Variants in GRK5 observed in about 807,000 individuals in gnomAD.
GRK5 encodes g protein-coupled receptor kinase GRK5.
A neutral mutation model predicts 78.4 loss-of-function variants in GRK5; 40 were observed. That is an observed-to-expected ratio of 0.51 (90% CI 0.40 to 0.66). The LOEUF is 0.66. GRK5 is among the 30% of genes least tolerant of loss of function. The pLI is 0.00. For synonymous variants in GRK5, 289 were observed against 296.8 expected, an observed-to-expected ratio of 0.97 and a Z score of 0.27; for missense variants, 598 against 759.9, an observed-to-expected ratio of 0.79 and a Z score of 2.50.
chr10:119,399,106 C>T (rs1852104634), intron 4 of GRK5, among the ~76,000 whole-genome samples: 1 of 152,348 alleles, frequency 6.6e-6, no homozygotes, highest in East Asian at 1.9e-4. Flanking sequence ...GGATGGGGCC[C>T]AGACACCCCC....
At chr10:119,254,755 G>GA (rs1449827883) in intron 1 of GRK5, among the ~76,000 whole-genome samples, 11 of 151,926 alleles carry the variant, frequency 7.2e-5, no homozygotes, top group African/African-American at 2.7e-4. Flanking sequence ...TATTTTGTAA[G>GA]AAAAAAATGG....
intron 6 of GRK5, among the ~76,000 whole-genome samples, chr10:119,427,014 TCAG>T: frequency 7.5e-6 from 1 of 133,520 alleles, no homozygotes; most frequent in East Asian, 2.3e-4. Flanking sequence ...ATCACAGCCA[TCAG>T]CAGCATCACA....
intron 4 of GRK5, among the ~76,000 whole-genome samples, chr10:119,399,092 G>A (rs1459755624): frequency 1.3e-5 from 2 of 152,318 alleles, no homozygotes; most frequent in African/African-American, 2.4e-5. Context: ...TCCATCTCCT[G>A]GAGGGATGGG....
intron 1 of GRK5, among the ~76,000 whole-genome samples, chr10:119,239,721 C>T (rs1220688251): frequency 6.6e-6 from 1 of 151,836 alleles, no homozygotes; most frequent in Non-Finnish European, 1.5e-5. Context: ...GTGATGTTCC[C>T]CTCCCTTTGT....
rs769849930 is a variant in GRK5, at chr10:119,336,744, A to G, written c.148+10133A>G. ...ACGTCATTGCTGTCCTTGGGGTGAT[A>G]AGGGCGCGTCATGTCTGTCGTTCTG... On this transcript the variant is annotated intron_variant, in intron 2 of 15. Coordinates refer to ENST00000392870, the MANE Select transcript of GRK5 (RefSeq NM_005308.3). The surrounding 1 kb of genome is among the most constrained non-coding windows in gnomAD (Gnocchi z 4.5). Among the ~76,000 whole-genome samples, 3 of 152,272 alleles carry G rather than the reference A, an allele frequency of 2.0e-5. No individual in the cohort carries two copies. Among genetic ancestry groups the G allele is most frequent in the Middle Eastern group, 3.4e-3 (1 of 294 alleles).
intron 1 of GRK5, among the ~76,000 whole-genome samples, chr10:119,296,364 T>C (rs897412873): frequency 2.0e-5 from 3 of 152,204 alleles, no homozygotes; most frequent in Admixed American, 1.3e-4. Context: ...CAAGGTAGGC[T>C]GGACAAGTGA....
intron 1 of GRK5, among the ~76,000 whole-genome samples, chr10:119,275,568 CATGCTT>C (rs1352418115): frequency 1.3e-5 from 2 of 150,316 alleles, no homozygotes; most frequent in African/African-American, 4.9e-5. Context: ...TTCTCTAAGG[CATGCTT>C]GTGCGTGTGC....
intron 1 of GRK5, among the ~76,000 whole-genome samples, chr10:119,236,457 G>A (rs1268052038): frequency 1.3e-5 from 2 of 152,136 alleles, no homozygotes; most frequent in African/African-American, 4.8e-5. Context: ...CTCGTGATCC[G>A]CCCGCCTTGG....
chr10:119,404,510 G>A (rs1309457864), intron 4 of GRK5, among the ~76,000 whole-genome samples: 2 of 152,076 alleles, frequency 1.3e-5, no homozygotes, highest in East Asian at 1.9e-4. Flanking sequence ...AAGGTTTTTC[G>A]TTTTGATGAC....
At chr10:119,283,390 C>G (rs1410251888) in intron 1 of GRK5, among the ~76,000 whole-genome samples, 1 of 152,156 alleles carries the variant, frequency 6.6e-6, no homozygotes, top group African/African-American at 2.4e-5. Context: ...ACCCCATTCC[C>G]ACCTCGTCCC....
rs1336773758 is a variant in GRK5 at position 119,267,166 on chromosome 10, C to T, written c.52+59197C>T. On this transcript the variant is annotated intron_variant, in intron 1 of 15. Coordinates refer to ENST00000392870, the MANE Select transcript of GRK5 (RefSeq NM_005308.3). The surrounding 1 kb of genome is among the most constrained non-coding windows in gnomAD (Gnocchi z 4.1). ...GCTGAGGAAGGAGAATTGCTTGAAC[C>T]TGCGAGGCGGAGGTTGCAGCGAGCC... Among the ~76,000 whole-genome samples, 1 of 151,998 alleles carries T rather than the reference C, an allele frequency of 6.6e-6. No homozygotes were observed.
At chr10:119,241,558 G>A (rs6585540) in intron 1 of GRK5, among the ~76,000 whole-genome samples, 152,268 of 152,336 alleles carry the variant, frequency 1, 76,100 homozygotes, top group Non-Finnish European at 1. Context: ...TGGTAGTGTT[G>A]TATATAATTG....
chr10:119,337,400 A>G (rs528203194), intron 2 of GRK5, among the ~76,000 whole-genome samples: 120 of 152,160 alleles, frequency 7.9e-4, no homozygotes, highest in Non-Finnish European at 1.5e-3. Flanking sequence ...ATTGTCTCAC[A>G]GTTCTGGAGG....
chr10:119,409,438 G>A (rs1305499980), intron 4 of GRK5, among the ~76,000 whole-genome samples: 1 of 152,182 alleles, frequency 6.6e-6, no homozygotes, highest in South Asian at 2.1e-4. Context: ...TTTGATGCTG[G>A]CAGAGCTGGC....
chr10:119,233,152 A>T (rs907772870), intron 1 of GRK5, among the ~76,000 whole-genome samples: 1 of 152,162 alleles, frequency 6.6e-6, no homozygotes, highest in Non-Finnish European at 1.5e-5. Flanking sequence ...GCTTTGAAGA[A>T]ATGTGGGAGC....
At chr10:119,334,691 C>A (rs905629951) in intron 2 of GRK5, 12 of 152,040 alleles carry the variant, frequency 7.9e-5, no homozygotes, top group Admixed American at 7.2e-4. Flanking sequence ...GTACTTTATT[C>A]TTTCATTAAA....
In GRK5 at chr10:119,393,985, ATG is replaced by A. The variant is rs906326542; in HGVS notation, c.262-2698_262-2697del. ...TGTCTGTGTGTAGGTGTGTGTGGGTATGTGTGTGTGTGTCTGGGTCTGGGGGG... is the reference window on the plus strand; with the variant it reads ...TGTCTGTGTGTAGGTGTGTGTGGGTATGTGTGTGTGTCTGGGTCTGGGGGG... On this transcript the variant is annotated intron_variant, in intron 3 of 15. Coordinates refer to ENST00000392870, the MANE Select transcript of GRK5 (RefSeq NM_005308.3). 6.0e-4 allele frequency among the ~76,000 whole-genome samples: 52 copies of A among 87,104 alleles called. No individual in the cohort carries two copies. The Middle Eastern group carries it at 0.03, about 50-fold the overall frequency. The allele number at this position is 87,104 out of a possible 152,430, so 57.1% of individuals were successfully genotyped here.
At chr10:119,243,551 A>G (rs1849058198) in intron 1 of GRK5, among the ~76,000 whole-genome samples, 1 of 143,850 alleles carries the variant, frequency 7.0e-6, no homozygotes, top group African/African-American at 2.6e-5. Context: ...GATTCAAACA[A>G]TGTTCCCAGT....
chr10:119,253,276 A>C lies in GRK5; in HGVS notation c.52+45307A>C, dbSNP rs1849230821. On this transcript the variant is annotated intron_variant, in intron 1 of 15. Transcript: ENST00000392870. The surrounding 1 kb of genome is among the most constrained non-coding windows in gnomAD (Gnocchi z 5.7). Reference sequence around the variant, plus strand: ...TTGAAGGACAAGCAAGGAAGATTGGAGCATCTGTGAACTATCTCCAGTTCA... The same window carrying C: ...TTGAAGGACAAGCAAGGAAGATTGGCGCATCTGTGAACTATCTCCAGTTCA... 1.3e-5 allele frequency among the ~76,000 whole-genome samples: 2 copies of C among 152,104 alleles called. No individual in the cohort carries two copies. The highest frequency in any genetic ancestry group is 4.1e-4 in the South Asian group (2 of 4,826).
Sources: gnomAD v4.1 joint callset for allele counts (sites outside exome capture counted in the v4.1 genomes callset) on GRCh38, gnomAD v4.1.1 for gene constraint, Gnocchi (gnomAD v3.1) non-coding constraint, MANE v1.5 for transcripts, NCBI Gene and HGNC (gene_info 2026-07-23, HGNC 2026-07-21) for gene names.